The following WDFY4 variants were observed in gnomAD, a reference collection of about 807,000 sequenced individuals.
WDFY4 encodes WD repeat- and FYVE domain-containing protein 4.
Under a neutral mutation model 351.9 loss-of-function variants are expected in WDFY4, and 169 were observed. That is an observed-to-expected ratio of 0.48 (90% CI 0.42 to 0.55). The LOEUF is 0.55. Among genes scored for constraint, WDFY4 ranks in the 20% least tolerant of loss-of-function variants. The pLI is 0.00. For missense variants in WDFY4, 3,803 were observed against 3,935.6 expected (o/e 0.97, Z 0.90); for synonymous variants, 1,622 against 1,574.6 (o/e 1.03, Z -0.71).
At chr10:48,848,516 C>T (rs914599642) in intron 39 of WDFY4, among the ~76,000 whole-genome samples, 2 of 152,220 alleles carry the variant, frequency 1.3e-5, no homozygotes, top group Non-Finnish European at 2.9e-5. Context: ...TAGGTGGCGT[C>T]AGCAGGTCAT....
chr10:48,895,507 G>T (rs1347232181), intron 44 of WDFY4, among the ~76,000 whole-genome samples: 1 of 152,170 alleles, frequency 6.6e-6, no homozygotes, highest in East Asian at 1.9e-4. Flanking sequence ...GGAGGCCTTC[G>T]TTTCTTAGTC....
intron 39 of WDFY4, among the ~76,000 whole-genome samples, chr10:48,850,058 C>A (rs2068905504): frequency 6.6e-6 from 1 of 152,204 alleles, no homozygotes; most frequent in African/African-American, 2.4e-5. Context: ...ATATGCCCTT[C>A]TTTCCACATG....
chr10:48,771,626 T>A (rs1279353989), intron 13 of WDFY4, among the ~76,000 whole-genome samples: 1 of 152,196 alleles, frequency 6.6e-6, no homozygotes, highest in Non-Finnish European at 1.5e-5. Context: ...TTGTGAAATG[T>A]GTGAGAGGCT....
chr10:48,794,042 T>G (rs1465185809), intron 23 of WDFY4, among the ~76,000 whole-genome samples: 1 of 152,026 alleles, frequency 6.6e-6, no homozygotes, highest in Non-Finnish European at 1.5e-5. Context: ...TCCACACGGC[T>G]AGGAGGAGAG....
chr10:48,760,532 C>G, intron 13 of WDFY4, 92 bp downstream of exon 13: 1 of 1,311,754 alleles, frequency 7.6e-7, no homozygotes, highest in Non-Finnish European at 1.1e-6. Context: ...TCCTTTTGTC[C>G]GTGTCTTCAG....
At chr10:48,923,412 A>T (rs571626568) in intron 47 of WDFY4, among the ~76,000 whole-genome samples, 1 of 150,972 alleles carries the variant, frequency 6.6e-6, no homozygotes, top group Non-Finnish European at 1.5e-5. Context: ...GCTTCTCCCC[A>T]TGGTAGATTT....
In WDFY4 at chr10:48,800,675, TTTCTTTC is replaced by T. The variant is rs2132830522; in HGVS notation, c.4411-2608_4411-2602del. ...CTTCTAAGTCTTAGGTTTTGGTTTC[TTTCTTTC>T]TTTCTTTCTTTCTTTCTTTCTTTCT... On this transcript the variant is annotated intron_variant, in intron 24 of 61. Coordinates refer to ENST00000325239, the MANE Select transcript of WDFY4 (RefSeq NM_001394531.1). 1.2e-4 allele frequency among the ~76,000 whole-genome samples: 6 copies of T among 48,520 alleles called. No individual in the cohort carries two copies. The East Asian group carries it at 0.01, about 85-fold the overall frequency. The allele number at this position is 48,520 out of a possible 152,430, so 31.8% of individuals were successfully genotyped here.
chr10:48,734,600 T>A (rs187155592), intron 10 of WDFY4, among the ~76,000 whole-genome samples: 4 of 152,022 alleles, frequency 2.6e-5, no homozygotes, highest in Admixed American at 6.6e-5. Flanking sequence ...GGCATCTTTA[T>A]CTGAGGCCTT....
At chr10:48,900,111 G>A in intron 45 of WDFY4, 110 bp from the exon 46 acceptor site, 1 of 887,774 alleles carries the variant, frequency 1.1e-6, no homozygotes, top group Non-Finnish European at 1.7e-6. Context: ...ACCCAGGAAG[G>A]GTCTTCTGAC....
intron 52 of WDFY4, among the ~76,000 whole-genome samples, chr10:48,957,725 C>T (rs924968342): frequency 5.3e-5 from 8 of 152,184 alleles, no homozygotes; most frequent in Admixed American, 2.6e-4. Context: ...CTGGGGTAGA[C>T]TGCTGGGTGG....
At chr10:48,966,442 C>A in intron 54 of WDFY4, 84 bp from the exon 55 acceptor site, 1 of 1,416,488 alleles carries the variant, frequency 7.1e-7, no homozygotes, top group Non-Finnish European at 9.5e-7. Flanking sequence ...CCCCCAGAGA[C>A]AGGGTGCAGC....
In WDFY4 at chr10:48,780,105, A is replaced by T. The variant is rs377717473; in HGVS notation, c.3562A>T (p.Ile1188Phe). 2 of 1,552,018 alleles carry T rather than the reference A, an allele frequency of 1.3e-6. No homozygotes were observed. Among genetic ancestry groups the T allele is most frequent in the South Asian group, 1.2e-5 (1 of 84,062 alleles). Reference protein sequence around the residue: ...TVSTCLDGQVIGSAKMLYIQA... With the variant: ...TVSTCLDGQVFGSAKMLYIQA... ...TTCCACCTGTCTGGATGGACAGGTCATTGGCTCTGCCAAGGTGAGATGGCT... is the reference window on the plus strand; with the variant it reads ...TTCCACCTGTCTGGATGGACAGGTCTTTGGCTCTGCCAAGGTGAGATGGCT... Residue 1188 changes from isoleucine (I) to phenylalanine (F), a missense_variant, in exon 19 of 62, where the codon ATT becomes TTT. Ile to Phe is a conservative substitution (Grantham distance 21, BLOSUM62 0). Coordinates refer to ENST00000325239, the MANE Select transcript of WDFY4 (RefSeq NM_001394531.1).
chr10:48,960,101 C>G (rs1052862151), intron 53 of WDFY4, among the ~76,000 whole-genome samples: 1 of 152,166 alleles, frequency 6.6e-6, no homozygotes, highest in Non-Finnish European at 1.5e-5. Context: ...CCTCAGCCAG[C>G]CCTACAAGAA....
chr10:48,830,715 A>G lies in WDFY4; in HGVS notation c.6356A>G (p.Gln2119Arg). 1 of 1,551,520 alleles carries G rather than the reference A, an allele frequency of 6.4e-7. No individual in the cohort carries two copies. The highest frequency in any genetic ancestry group is 8.7e-7 in the Non-Finnish European group (1 of 1,146,964). ...TCTCTGCTAGTCCAACACAACATCC[A>G]GAAGACAGTGCAGACTCTCTGGCAG... ...PSLSDVQHNI[Q>R]KTVQTLWQQL... Residue 2119 changes from glutamine to arginine, a missense_variant, in exon 38 of 62, where the codon CAG becomes CGG. Around this residue, in one of 3 missense-constraint regions of WDFY4, gnomAD observed 3,054 missense variants for 3,148.6 expected, o/e 0.97. Coordinates refer to ENST00000325239, the MANE Select transcript of WDFY4 (RefSeq NM_001394531.1).
chr10:48,933,543 G>C lies in WDFY4; in HGVS notation c.7587-8263G>C, dbSNP rs1472319627. Among the ~76,000 whole-genome samples, 4 of 152,338 alleles carry C rather than the reference G, an allele frequency of 2.6e-5. No individual in the cohort carries two copies. In the East Asian group the frequency reaches 7.7e-4, roughly 29 times the overall value. On this transcript the variant is annotated intron_variant, in intron 47 of 61. Coordinates refer to ENST00000325239, the MANE Select transcript of WDFY4 (RefSeq NM_001394531.1). ...TTCTGCAGATGCTGGCAGGAGCTGA[G>C]CTAGATCCTGTGGGAAACTTTCTTC...
At chr10:48,798,777 C>G (rs2066958193) in intron 24 of WDFY4, among the ~76,000 whole-genome samples, 1 of 152,074 alleles carries the variant, frequency 6.6e-6, no homozygotes, top group South Asian at 2.1e-4. Flanking sequence ...AAGGACAGAA[C>G]AGAAAATGAA....
chr10:48,834,616 G>A (rs1357287553), intron 39 of WDFY4, among the ~76,000 whole-genome samples: 1 of 152,232 alleles, frequency 6.6e-6, no homozygotes, highest in Non-Finnish European at 1.5e-5. Flanking sequence ...AGTGTCACTT[G>A]AGACAGAAGG....
intron 54 of WDFY4, among the ~76,000 whole-genome samples, chr10:48,964,401 A>G (rs1254653099): frequency 6.6e-6 from 1 of 152,264 alleles, no homozygotes; most frequent in Admixed American, 6.5e-5. Flanking sequence ...TGCCTGAAAT[A>G]TGACCAGCAC....
At chr10:48,796,896 G>A (rs2066893618) in intron 24 of WDFY4, among the ~76,000 whole-genome samples, 1 of 152,196 alleles carries the variant, frequency 6.6e-6, no homozygotes, top group African/African-American at 2.4e-5. Context: ...AGGCTGAGGA[G>A]CATCGCACAC....
Sources: gnomAD v4.1 joint callset for allele counts (sites outside exome capture counted in the v4.1 genomes callset) on GRCh38, gnomAD v4.1.1 for gene constraint, gnomAD v4.1.1 regional missense constraint, MANE v1.5 for transcripts, NCBI Gene and HGNC (gene_info 2026-07-23, HGNC 2026-07-21) for gene names.